PGR: variants seen among roughly 807,000 people sequenced by gnomAD.
The protein encoded by PGR is nuclear receptor subfamily 3 group C member 3.
Under a neutral mutation model 76.1 loss-of-function variants are expected in PGR, and 25 were observed. The observed-to-expected ratio is 0.33, with a 90% CI of 0.24 to 0.46. The LOEUF (loss-of-function observed/expected upper bound fraction) is 0.46. PGR is among the 20% of genes least tolerant of loss of function. The pLI is 1.00. For missense variants in PGR, 1,172 were observed against 1,225.3 expected (o/e 0.96, Z 0.65); for synonymous variants, 579 against 535.0 (o/e 1.08, Z -1.14).
chr11:101,105,730 T>A (rs1468396573), intron 2 of PGR, among the ~76,000 whole-genome samples: 1 of 152,146 alleles, frequency 6.6e-6, no homozygotes, highest in Non-Finnish European at 1.5e-5. Context: ...AAAGCTACTT[T>A]AAACTTCATA....
rs1206535191 is a variant in PGR, at chr11:101,036,928, C to T, written c.*2188G>A. 5.0e-6 allele frequency: 1 copy of T among 201,824 alleles called. No individual in the cohort carries two copies. Among genetic ancestry groups the T allele is most frequent in the Non-Finnish European group, 1.0e-5 (1 of 98,064 alleles). The allele number at this position is 201,824 out of a possible 1,614,324, so 12.5% of individuals were successfully genotyped here. A position where few individuals can be genotyped will look rare whatever the true frequency, so the allele number is the denominator to read the frequency against. On this transcript the variant is annotated 3_prime_UTR_variant, in exon 8 of 8. Coordinates refer to ENST00000325455, the MANE Select transcript of PGR (RefSeq NM_000926.4). Reference sequence around the variant, plus strand: ...CACAACATCAACTGTTCCCTGAGTCCATCACTTAAGCATAAAGGGCTAATA... The same window carrying T: ...CACAACATCAACTGTTCCCTGAGTCTATCACTTAAGCATAAAGGGCTAATA...
chr11:101,113,089 CTCTTA>C (rs1339907063), intron 2 of PGR, among the ~76,000 whole-genome samples: 2 of 150,972 alleles, frequency 1.3e-5, no homozygotes, highest in African/African-American at 4.8e-5. Context: ...AAATTTTGAT[CTCTTA>C]TAATACCTTC....
At position 101,036,953 on chromosome 11, in the gene PGR, A is replaced by G. The variant is rs11571284; in HGVS notation, c.*2163T>C. 1,450 of 202,728 alleles carry G rather than the reference A, an allele frequency of 7.2e-3. 16 individuals carry two copies. Among genetic ancestry groups the G allele is most frequent in the Non-Finnish European group, 0.011 (1,055 of 98,674 alleles). 12.6% of individuals were successfully genotyped at this position (202,728 alleles called of 1,614,324 possible). On this transcript the variant is annotated 3_prime_UTR_variant, in exon 8 of 8. Transcript: ENST00000325455. The stretch of plus-strand genomic sequence containing the variant: ...CATCACTTAAGCATAAAGGGCTAAT[A>G]ATATTGTTTTTGTTTCTTGGGGTTT...
intron 6 of PGR, among the ~76,000 whole-genome samples, chr11:101,048,613 G>C (rs1249437486): frequency 3.9e-5 from 6 of 152,096 alleles, no homozygotes; most frequent in Admixed American, 3.9e-4. Flanking sequence ...ATACGAATGG[G>C]ACACTTGCAT....
At chr11:101,081,482 T>C (rs1331345936) in intron 3 of PGR, among the ~76,000 whole-genome samples, 1 of 150,200 alleles carries the variant, frequency 6.7e-6, no homozygotes, top group Non-Finnish European at 1.5e-5. Flanking sequence ...AAAGGCAATA[T>C]TACAGAAAAA....
Position 101,129,097 on chromosome 11 carries a change from C to T in PGR, c.-27G>A, listed in dbSNP as rs927091268. Reference sequence around the variant, plus strand: ...ACGACTGGACTCCCCTTTTCTCCTCCCCCGTCTCCAGGAGGAGGGAAAAGG... The same window carrying T: ...ACGACTGGACTCCCCTTTTCTCCTCTCCCGTCTCCAGGAGGAGGGAAAAGG... On this transcript the variant is annotated 5_prime_UTR_variant, in exon 1 of 8. Transcript: ENST00000325455. 6.5e-6 allele frequency: 9 copies of T among 1,381,862 alleles called. No homozygotes were observed. Among genetic ancestry groups the T allele is most frequent in the African/African-American group, 2.7e-5 (1 of 36,896 alleles). 85.6% of individuals were successfully genotyped at this position (1,381,862 alleles called of 1,614,324 possible).
Position 101,064,331 on chromosome 11 carries a change from C to CAAAAAAAAAAAA in PGR, c.1907-1591_1907-1580dup, listed in dbSNP as rs10556132. On this transcript the variant is annotated intron_variant, in intron 3 of 7. Transcript: ENST00000325455. Reference sequence around the variant, plus strand: ...AGGTGACAAGGGAGAAACTCCACCTCAAAAAAAAAAAAAAAAAAAAAAAAA... The same window carrying CAAAAAAAAAAAA: ...AGGTGACAAGGGAGAAACTCCACCTCAAAAAAAAAAAAAAAAAAAAAAAAAAAAAAAAAAAAA... 3.3e-4 allele frequency among the ~76,000 whole-genome samples: 13 copies of CAAAAAAAAAAAA among 39,450 alleles called. 2 individuals are homozygous for CAAAAAAAAAAAA. The highest frequency in any genetic ancestry group is 9.7e-4 in the African/African-American group (7 of 7,248). The allele number at this position is 39,450 out of a possible 152,430, so 25.9% of individuals were successfully genotyped here.
rs1174716381 is a variant in PGR at position 101,032,954 on chromosome 11, AATTT to A, written c.*6158_*6161del. 5.4e-6 allele frequency: 1 copy of A among 186,112 alleles called. No homozygotes were observed. Among genetic ancestry groups the A allele is most frequent in the Non-Finnish European group, 1.1e-5 (1 of 88,180 alleles). The allele number at this position is 186,112 out of a possible 1,614,324, so 11.5% of individuals were successfully genotyped here. A position where few individuals can be genotyped will look rare whatever the true frequency, so the allele number is the denominator to read the frequency against. On this transcript the variant is annotated 3_prime_UTR_variant, in exon 8 of 8. Transcript: ENST00000325455. ...TAAGACTTTTCAACAAAAAATAATTAATTTAATGTTTTAGAGAGCCCTCCATGTA... is the reference window on the plus strand; with the variant it reads ...TAAGACTTTTCAACAAAAAATAATTAAATGTTTTAGAGAGCCCTCCATGTA...
In PGR at chr11:101,039,523, G is replaced by C. The variant is rs11571268; in HGVS notation, c.2647-252C>G. On this transcript the variant is annotated intron_variant, in intron 7 of 7. Transcript: ENST00000325455. ...AATGAAAGTTATTCACAATTCTACA[G>C]GATAAGCTGTGTGAACATTTTGGTG... 8.3e-3 allele frequency among the ~76,000 whole-genome samples: 1,257 copies of C among 151,592 alleles called. 22 individuals carry two copies. The highest frequency in any genetic ancestry group is 0.029 in the African/African-American group (1,200 of 41,332).
chr11:101,125,977 A>G, intron 2 of PGR, 30 bp downstream of exon 2: 3 of 1,601,534 alleles, frequency 1.9e-6, no homozygotes, highest in Non-Finnish European at 2.6e-6. Context: ...AATTAAACCA[A>G]TAATAAAGGA....
Position 101,084,854 on chromosome 11 carries a change from A to T in PGR, c.1906+6906T>A, listed in dbSNP as rs1591400114. Among the ~76,000 whole-genome samples the T allele has an allele frequency of 3.9e-5, 6 of 152,230 alleles. No homozygotes were observed. The South Asian group carries it at 1.2e-3, about 32-fold the overall frequency. ...CTTAGATTAGATAAAACAGACTTTA[A>T]CAACAGTAAAAAAGGAAAAATAAGG... On this transcript the variant is annotated intron_variant, in intron 3 of 7. Transcript: ENST00000325455.
intron 4 of PGR, among the ~76,000 whole-genome samples, chr11:101,055,768 G>T (rs901240624): frequency 2.0e-5 from 3 of 151,996 alleles, no homozygotes; most frequent in Non-Finnish European, 2.9e-5. Flanking sequence ...CCTACTCTTA[G>T]TTTTTGTTTT....
rs528175089 is a variant in PGR at position 101,030,266 on chromosome 11, G to C, written c.*8850C>G. On this transcript the variant is annotated 3_prime_UTR_variant, in exon 8 of 8. Transcript: ENST00000325455. ...AAGCAACGGGGTAGATAACTTTGAA[G>C]ATTGCATCAACTTCAACACAAAAAA... 14 of 223,820 alleles carry C rather than the reference G, an allele frequency of 6.3e-5. No individual in the cohort carries two copies. Among genetic ancestry groups the C allele is most frequent in the Non-Finnish European group, 1.2e-4 (14 of 112,352 alleles). 13.9% of individuals were successfully genotyped at this position (223,820 alleles called of 1,614,324 possible).
intron 3 of PGR, among the ~76,000 whole-genome samples, chr11:101,067,544 T>G (rs1406063416): frequency 6.6e-6 from 1 of 151,940 alleles, no homozygotes; most frequent in Non-Finnish European, 1.5e-5. Context: ...CAATCTAGCA[T>G]TATCTAGTAA....
At chr11:101,042,179 C>T in intron 6 of PGR, 77 bp from the exon 7 acceptor site, 1 of 1,453,256 alleles carries the variant, frequency 6.9e-7, no homozygotes. Context: ...TATTTCTGAG[C>T]TATATAATGA....
In PGR at chr11:101,046,529, T is replaced by G. The variant is rs551033163; in HGVS notation, c.2488+3400A>C. On this transcript the variant is annotated intron_variant, in intron 6 of 7. Transcript: ENST00000325455. ...ATTCCTGGAGATTTATATTTTCATA[T>G]TTAATGGCAAATGAGAGGTTTAAGT... Among the ~76,000 whole-genome samples the G allele has an allele frequency of 5.3e-4, 81 of 151,994 alleles. No individual in the cohort carries two copies. In the South Asian group the frequency reaches 9.6e-3, roughly 18 times the overall value.
At chr11:101,039,988 A>G (rs982044957) in intron 7 of PGR, among the ~76,000 whole-genome samples, 2 of 152,072 alleles carry the variant, frequency 1.3e-5, no homozygotes, top group African/African-American at 2.4e-5. Flanking sequence ...CCTCAACTAC[A>G]TACATGTTCT....
intron 3 of PGR, chr11:101,064,068 T>C (rs1488028118): frequency 6.6e-6 from 1 of 152,124 alleles, no homozygotes; most frequent in African/African-American, 2.4e-5. Flanking sequence ...GGTGAGCTCA[T>C]GCCTGTAGTT....
In PGR at chr11:101,064,331, CAAAAAAAAAAAAAAAAAAA is replaced by C. The variant is rs10556132; in HGVS notation, c.1907-1598_1907-1580del. On this transcript the variant is annotated intron_variant, in intron 3 of 7. Coordinates refer to ENST00000325455, the MANE Select transcript of PGR (RefSeq NM_000926.4). Reference sequence around the variant, plus strand: ...AGGTGACAAGGGAGAAACTCCACCTCAAAAAAAAAAAAAAAAAAAAAAAAAAAAAAAAAAAAAAAACAGC... The same window carrying C: ...AGGTGACAAGGGAGAAACTCCACCTCAAAAAAAAAAAAAAAAAAAAACAGC... Among the ~76,000 whole-genome samples, 18 of 39,450 alleles carry C rather than the reference CAAAAAAAAAAAAAAAAAAA, an allele frequency of 4.6e-4. 1 individual carries two copies. The highest frequency in any genetic ancestry group is 4.3e-3 in the South Asian group (6 of 1,394). 25.9% of individuals were successfully genotyped at this position (39,450 alleles called of 152,430 possible). A position where few individuals can be genotyped will look rare whatever the true frequency, so the allele number is the denominator to read the frequency against.
Sources: gnomAD v4.1 joint callset for allele counts (sites outside exome capture counted in the v4.1 genomes callset) on GRCh38, gnomAD v4.1.1 for gene constraint, MANE v1.5 for transcripts, NCBI Gene and HGNC (gene_info 2026-07-23, HGNC 2026-07-21) for gene names.